ABCG8: variants seen among roughly 807,000 people sequenced by gnomAD.
The protein encoded by ABCG8 is ATP binding cassette subfamily G member 8.
In ABCG8, 81 loss-of-function variants were observed where a neutral mutation model predicts 71.3. The ratio of observed to expected loss-of-function variants is 1.14; its 90% confidence interval spans 0.95 to 1.37. ABCG8 has a LOEUF of 1.37. Among genes scored for constraint, ABCG8 ranks in the 40% most tolerant of loss-of-function variants. ABCG8 has a pLI of 0.00. For synonymous variants in ABCG8, 451 were observed against 354.7 expected, an observed-to-expected ratio of 1.27 and a Z score of -3.05; for missense variants, 1,119 against 866.2, an observed-to-expected ratio of 1.29 and a Z score of -3.66.
At chr2:43,871,824 C>T in intron 6 of ABCG8, 152 bp from the exon 7 acceptor site, 1 of 1,143,494 alleles carries the variant, frequency 8.7e-7, no homozygotes, top group Non-Finnish European at 1.3e-6. Flanking sequence ...TCTCTCTGCT[C>T]TGCCCCTTGC....
intron 3 of ABCG8, among the ~76,000 whole-genome samples, chr2:43,851,281 G>A (rs948907202): frequency 2.0e-5 from 3 of 152,328 alleles, no homozygotes; most frequent in Admixed American, 6.5e-5. Flanking sequence ...CTGGCCCTGT[G>A]GCATCTAGGA....
chr2:43,868,334 G>A (rs182803218), intron 6 of ABCG8, among the ~76,000 whole-genome samples: 49 of 150,724 alleles, frequency 3.3e-4, no homozygotes, highest in African/African-American at 1.1e-3. Flanking sequence ...TATCTGTCTG[G>A]TAGAATTCTC....
rs1364888932 is a variant in ABCG8 at position 43,881,574 on chromosome 2, T to C, written c.*3661T>C. ...AAATACAAAAATTAGCTGGGCATGG[T>C]AGTGCGTGCCTGTAGTTCCAGCTAC... On this transcript the variant is annotated 3_prime_UTR_variant, in exon 13 of 13. Coordinates refer to ENST00000272286, the MANE Select transcript of ABCG8 (RefSeq NM_022437.3). 1.3e-5 allele frequency: 2 copies of C among 152,190 alleles called. No homozygotes were observed. Among genetic ancestry groups the C allele is most frequent in the Admixed American group, 6.5e-5 (1 of 15,276 alleles). 9.4% of individuals were successfully genotyped at this position (152,190 alleles called of 1,614,324 possible).
chr2:43,872,402 A>T, intron 8 of ABCG8, 96 bp downstream of exon 8: 1 of 1,371,250 alleles, frequency 7.3e-7, no homozygotes, highest in Non-Finnish European at 1.0e-6. Flanking sequence ...TTAAAGGAGA[A>T]AGTGAGAGGT....
At chr2:43,867,704 T>C (rs1669580819) in intron 6 of ABCG8, among the ~76,000 whole-genome samples, 1 of 150,978 alleles carries the variant, frequency 6.6e-6, no homozygotes, top group South Asian at 2.1e-4. Context: ...TCTCACTCTG[T>C]GGATAGAACT....
chr2:43,876,657 G>T (rs1219521578), intron 11 of ABCG8, among the ~76,000 whole-genome samples: 1 of 150,630 alleles, frequency 6.6e-6, no homozygotes, highest in African/African-American at 2.4e-5. Flanking sequence ...TGGGGAGACT[G>T]TGGGAATATG....
chr2:43,875,305 G>T lies in ABCG8; in HGVS notation c.1648G>T (p.Ala550Ser), dbSNP rs149441561. ...FCCRIMALAAAALLPTFHMAS... is the reference protein window; with the variant it reads ...FCCRIMALAASALLPTFHMAS... ...TTGCAGGATTATGGCCCTGGCCGCCGCGGCCCTGCTCCCCACCTTCCACAT... is the reference window on the plus strand; with the variant it reads ...TTGCAGGATTATGGCCCTGGCCGCCTCGGCCCTGCTCCCCACCTTCCACAT... The change falls in exon 11 of 13, where the codon GCG becomes TCG. Residue 550 changes from alanine to serine, a missense_variant. By Grantham distance (99) the Ala-to-Ser change is moderately conservative. Transcript: ENST00000272286. 3 of 1,614,094 alleles carry T rather than the reference G, an allele frequency of 1.9e-6. No individual in the cohort carries two copies. The highest frequency in any genetic ancestry group is 1.7e-6 in the Non-Finnish European group (2 of 1,180,034).
At chr2:43,877,452 A>G in intron 11 of ABCG8, 109 bp from the exon 12 acceptor site, 4 of 1,557,262 alleles carry the variant, frequency 2.6e-6, no homozygotes, top group Non-Finnish European at 3.5e-6. Flanking sequence ...ATATGGGCAG[A>G]CCATGGGAAT....
intron 3 of ABCG8, among the ~76,000 whole-genome samples, chr2:43,849,004 A>G (rs1047871083): frequency 6.0e-5 from 9 of 149,634 alleles, no homozygotes; most frequent in Non-Finnish European, 1.0e-4. Context: ...CCTGGGCAGC[A>G]AGAGCAAAAC....
intron 1 of ABCG8, among the ~76,000 whole-genome samples, chr2:43,843,786 A>G (rs543391065): frequency 1.3e-5 from 2 of 152,322 alleles, no homozygotes; most frequent in East Asian, 3.9e-4. Flanking sequence ...ATCAGCCGAC[A>G]CCATGAAACA....
rs773031649 is a variant in ABCG8 at position 43,872,209 on chromosome 2, C to A, written c.1128-14C>A. Reference sequence around the variant, plus strand: ...GGCTGCCCCCATGACCTGGCCACATCTTCTGCCTCCCAGCAGCGTGACCCC... The same window carrying A: ...GGCTGCCCCCATGACCTGGCCACATATTCTGCCTCCCAGCAGCGTGACCCC... On this transcript the variant is annotated splice_polypyrimidine_tract_variant and intron_variant, in intron 7 of 12. Transcript: ENST00000272286. 32 of 1,613,982 alleles carry A rather than the reference C, an allele frequency of 2.0e-5. No homozygotes were observed. Among genetic ancestry groups the A allele is most frequent in the Non-Finnish European group, 2.5e-5 (29 of 1,179,990 alleles).
chr2:43,857,469 C>G (rs942920584), intron 6 of ABCG8, among the ~76,000 whole-genome samples: 2 of 151,328 alleles, frequency 1.3e-5, no homozygotes, highest in Non-Finnish European at 3.0e-5. Flanking sequence ...ATATAGAACT[C>G]TCACTATCTC....
Position 43,872,094 on chromosome 2 carries a change from G to T in ABCG8, c.1083G>T (p.Trp361Cys), listed in dbSNP as rs137852987. ...EKVRDLDDFL[W>C]KAETKDLDED... ...TGCGTGACTTAGATGACTTTCTATG[G>T]AAAGCAGAGACGAAGGATCTTGACG... The change falls in exon 7 of 13, where the codon TGG becomes TGT. Residue 361 changes from tryptophan to cysteine, a missense_variant. Trp to Cys is a radical substitution (Grantham distance 215). Coordinates refer to ENST00000272286, the MANE Select transcript of ABCG8 (RefSeq NM_022437.3). 3.7e-6 allele frequency: 6 copies of T among 1,614,168 alleles called. No homozygotes were observed. In the African/African-American group the frequency reaches 4.0e-5, roughly 11 times the overall value.
rs557360392 is a variant in ABCG8 at position 43,866,659 on chromosome 2, C to T, written c.965-5317C>T. On this transcript the variant is annotated intron_variant, in intron 6 of 12. Coordinates refer to ENST00000272286, the MANE Select transcript of ABCG8 (RefSeq NM_022437.3). ...AACCACAATGAGATACCATCTCACA[C>T]CAGTTAGAATGGCAATCATTAAGAA... Among the ~76,000 whole-genome samples the T allele has an allele frequency of 8.3e-3, 1,257 of 152,134 alleles. 11 individuals are homozygous for T. The highest frequency in any genetic ancestry group is 0.029 in the African/African-American group (1,185 of 41,478).
chr2:43,855,541 G>A (rs978074130), intron 6 of ABCG8, among the ~76,000 whole-genome samples: 2 of 150,776 alleles, frequency 1.3e-5, no homozygotes, highest in African/African-American at 2.4e-5. Flanking sequence ...TAGAACTCTC[G>A]CTATCTTTGT....
At chr2:43,840,559 T>G (rs1668547777) in intron 1 of ABCG8, among the ~76,000 whole-genome samples, 1 of 152,196 alleles carries the variant, frequency 6.6e-6, no homozygotes, top group Non-Finnish European at 1.5e-5. Flanking sequence ...AACAAGAGGA[T>G]GAGGGTCACA....
intron 6 of ABCG8, among the ~76,000 whole-genome samples, chr2:43,858,890 C>T (rs1462604107): frequency 1.3e-5 from 2 of 151,394 alleles, no homozygotes; most frequent in African/African-American, 4.8e-5. Context: ...ATAGAACTCT[C>T]ACTATCTGGA....
intron 2 of ABCG8, among the ~76,000 whole-genome samples, chr2:43,845,808 G>A (rs920006300): frequency 2.6e-5 from 4 of 151,786 alleles, no homozygotes; most frequent in Non-Finnish European, 4.4e-5. Flanking sequence ...TTTTAGTAGA[G>A]GCGGGGTTTT....
intron 1 of ABCG8, among the ~76,000 whole-genome samples, chr2:43,841,855 T>G (rs954332087): frequency 6.6e-6 from 1 of 152,164 alleles, no homozygotes; most frequent in East Asian, 1.9e-4. Context: ...CCTCAGCGCC[T>G]CCTCCATGCC....
Sources: gnomAD v4.1 joint callset for allele counts (sites outside exome capture counted in the v4.1 genomes callset) on GRCh38, gnomAD v4.1.1 for gene constraint, MANE v1.5 for transcripts, NCBI Gene and HGNC (gene_info 2026-07-23, HGNC 2026-07-21) for gene names.